The following NRXN3 variants were observed in gnomAD, a reference collection of about 807,000 sequenced individuals.
NRXN3 encodes the protein neurexin 3, also known as neurexin III.
Under a neutral mutation model 137.6 loss-of-function variants are expected in NRXN3, and 32 were observed. The observed-to-expected ratio is 0.23, with a 90% confidence interval of 0.18 to 0.31. The LOEUF is 0.31. Ranked by LOEUF, NRXN3 falls within the 10% of genes least tolerant of loss-of-function variation. The pLI is 1.00. For synonymous variants in NRXN3, 798 were observed against 784.5 expected (o/e 1.02, Z -0.29); for missense variants, 1,574 against 2,062.5 (o/e 0.76, Z 4.59).
At chr14:78,528,080 T>A (rs1217832044) in intron 4 of NRXN3, among the ~76,000 whole-genome samples, 1 of 152,250 alleles carries the variant, frequency 6.6e-6, no homozygotes, top group Non-Finnish European at 1.5e-5. Context: ...GTTATGATCC[T>A]TTGCTTTTCA....
intron 4 of NRXN3, among the ~76,000 whole-genome samples, chr14:78,449,370 G>A (rs753693221): frequency 6.6e-6 from 1 of 152,094 alleles, no homozygotes; most frequent in Non-Finnish European, 1.5e-5. Flanking sequence ...AAGCCACCAG[G>A]CCTAGCTAAT....
chr14:78,932,552 A>G (rs2099325262), intron 10 of NRXN3, among the ~76,000 whole-genome samples: 1 of 152,162 alleles, frequency 6.6e-6, no homozygotes, highest in African/African-American at 2.4e-5. Flanking sequence ...CAACTCCTGC[A>G]AAAAGGATGC....
At chr14:79,581,910 C>A (rs951048885) in intron 16 of NRXN3, among the ~76,000 whole-genome samples, 1 of 152,136 alleles carries the variant, frequency 6.6e-6, no homozygotes, top group Non-Finnish European at 1.5e-5. Flanking sequence ...CCAAAGCACC[C>A]CTCTCAGGAA....
intron 15 of NRXN3, among the ~76,000 whole-genome samples, chr14:78,993,100 A>G (rs2153083934): frequency 1.3e-5 from 2 of 152,316 alleles, no homozygotes; most frequent in East Asian, 3.9e-4. Context: ...TAGTGCAGAT[A>G]GTGGAGTGTA....
At chr14:79,009,530 T>C (rs571351321) in intron 15 of NRXN3, among the ~76,000 whole-genome samples, 12 of 152,166 alleles carry the variant, frequency 7.9e-5, no homozygotes, top group African/African-American at 2.9e-4. Context: ...CTCAAGTCTA[T>C]AGGGAGGTGC....
At chr14:78,925,506 G>A (rs2099285477) in intron 10 of NRXN3, among the ~76,000 whole-genome samples, 3 of 152,158 alleles carry the variant, frequency 2.0e-5, no homozygotes, top group Admixed American at 2.0e-4. Context: ...CTAGTTAAAT[G>A]TGATTGTGCA....
chr14:79,761,586 G>C (rs376040220), intron 19 of NRXN3, among the ~76,000 whole-genome samples: 4 of 149,994 alleles, frequency 2.7e-5, no homozygotes, highest in African/African-American at 1.0e-4. Flanking sequence ...TCAGCTACTC[G>C]GGAGGCTGAG....
rs955138816 is a variant in NRXN3, at chr14:78,618,027, A to G, written c.758-27093A>G. 1.3e-4 allele frequency among the ~76,000 whole-genome samples: 19 copies of G among 151,886 alleles called. No homozygotes were observed. The East Asian group carries it at 1.8e-3, about 14-fold the overall frequency. On this transcript the variant is annotated intron_variant, in intron 4 of 20. Coordinates refer to ENST00000335750, the MANE Select transcript of NRXN3 (RefSeq NM_001330195.2). ...CACCTATCTATCTATTTATCAATCA[A>G]TCATTCTTATGTATCTCCATACCCC...
At chr14:78,193,659 G>A (rs560331453) in intron 1 of NRXN3, among the ~76,000 whole-genome samples, 1 of 151,942 alleles carries the variant, frequency 6.6e-6, no homozygotes, top group Non-Finnish European at 1.5e-5. Context: ...CTACTCAGGA[G>A]GCTGAGGCAT....
chr14:79,560,486 C>G (rs1312982941), intron 16 of NRXN3, among the ~76,000 whole-genome samples: 3 of 119,698 alleles, frequency 2.5e-5, no homozygotes, highest in East Asian at 2.8e-4. Context: ...CTTAATTCTA[C>G]AAGGACAAGA....
intron 2 of NRXN3, among the ~76,000 whole-genome samples, chr14:78,252,669 A>G (rs2068823540): frequency 6.6e-6 from 1 of 152,196 alleles, no homozygotes; most frequent in African/African-American, 2.4e-5. Flanking sequence ...GATTGCTGGT[A>G]ATGTAGGACT....
At chr14:79,397,088 A>G (rs1003553485) in intron 15 of NRXN3, among the ~76,000 whole-genome samples, 4 of 152,216 alleles carry the variant, frequency 2.6e-5, no homozygotes, top group African/African-American at 9.6e-5. Flanking sequence ...GGGACAGAGC[A>G]TAATTTAAAG....
intron 15 of NRXN3, among the ~76,000 whole-genome samples, chr14:79,146,650 A>G (rs1480728005): frequency 6.6e-6 from 1 of 152,124 alleles, no homozygotes; most frequent in African/African-American, 2.4e-5. Flanking sequence ...CTACATAGAC[A>G]GCAAAACCAC....
Position 79,802,890 on chromosome 14 carries a change from C to T in NRXN3, c.4015-2222C>T, listed in dbSNP as rs1053117697. On this transcript the variant is annotated intron_variant, in intron 19 of 20. Coordinates refer to ENST00000335750, the MANE Select transcript of NRXN3 (RefSeq NM_001330195.2). ...TAAGTATGTTTAAAAATTCTTTTTT[C>T]GGTGTGGAGAAGGAGAGCATCAGGA... is the stretch of plus-strand genomic sequence containing the variant. Among the ~76,000 whole-genome samples the T allele has an allele frequency of 4.6e-5, 7 of 151,638 alleles. No homozygotes were observed. In the South Asian group the frequency reaches 6.2e-4, roughly 14 times the overall value.
intron 16 of NRXN3, among the ~76,000 whole-genome samples, chr14:79,646,268 A>G (rs531759388): frequency 7.4e-6 from 1 of 135,662 alleles, no homozygotes; most frequent in East Asian, 2.0e-4. Context: ...GGGCTGCACT[A>G]AAGAGTCTTA....
intron 15 of NRXN3, among the ~76,000 whole-genome samples, chr14:79,248,050 C>T (rs1186199700): frequency 2.0e-5 from 3 of 152,176 alleles, no homozygotes; most frequent in African/African-American, 7.2e-5. Context: ...TTCACAGCAG[C>T]CTTGAACTCC....
At chr14:78,195,367 C>G (rs2061134512) in intron 1 of NRXN3, among the ~76,000 whole-genome samples, 2 of 151,992 alleles carry the variant, frequency 1.3e-5, no homozygotes, top group Non-Finnish European at 2.9e-5. Context: ...TGTTGAGTGC[C>G]TAAGATGTAG....
At position 79,080,656 on chromosome 14, in the gene NRXN3, A is replaced by G. The variant is rs550484249; in HGVS notation, c.3262+92515A>G. ...AGCTTCCTTTGCTTTCATTTACCAT[A>G]TCATAGTGGTAATTTCCTCAATTCC... On this transcript the variant is annotated intron_variant, in intron 15 of 20. Transcript: ENST00000335750. Among the ~76,000 whole-genome samples, 62 of 152,258 alleles carry G rather than the reference A, an allele frequency of 4.1e-4. 1 individual carries two copies. The highest frequency in any genetic ancestry group is 3.6e-3 in the Admixed American group (55 of 15,290).
At chr14:79,668,431 C>T (rs1368914770) in intron 17 of NRXN3, among the ~76,000 whole-genome samples, 1 of 152,076 alleles carries the variant, frequency 6.6e-6, no homozygotes, top group African/African-American at 2.4e-5. Flanking sequence ...GTTACGTTAT[C>T]AAGGCTCTGA....
Sources: allele counts gnomAD v4.1 joint callset (sites outside exome capture counted in the v4.1 genomes callset), GRCh38; gene constraint gnomAD v4.1.1; transcripts MANE v1.5; gene names NCBI Gene and HGNC (gene_info 2026-07-23, HGNC 2026-07-21).